Variants in MCCC1 observed in about 807,000 individuals in gnomAD.
MCCC1 encodes the protein methylcrotonoyl-CoA carboxylase subunit alpha, mitochondrial.
Under a neutral mutation model 83.8 loss-of-function variants are expected in MCCC1, and 64 were observed. The ratio of observed to expected loss-of-function variants is 0.76; its 90% CI spans 0.62 to 0.94. MCCC1 has a LOEUF of 0.94. Among genes scored for constraint, MCCC1 ranks in the 40% least tolerant of loss-of-function variants. The probability of loss-of-function intolerance (pLI) is 0.00; values close to 1 mark genes in which losing one functional copy is unlikely to be tolerated. For missense variants in MCCC1, 807 were observed against 904.7 expected, an observed-to-expected ratio of 0.89 and a Z score of 1.39; for synonymous variants, 322 against 315.4, an observed-to-expected ratio of 1.02 and a Z score of -0.22.
At chr3:183,078,449 G>C (rs1272783947) in intron 4 of MCCC1, among the ~76,000 whole-genome samples, 2 of 152,100 alleles carry the variant, frequency 1.3e-5, no homozygotes, top group African/African-American at 4.8e-5. Context: ...TTTTTTTAAA[G>C]CCTGCTGGGA....
At chr3:183,055,254 A>G (rs1444648749) in intron 8 of MCCC1, among the ~76,000 whole-genome samples, 2 of 151,750 alleles carry the variant, frequency 1.3e-5, no homozygotes, top group South Asian at 4.2e-4. Context: ...AATAGAAAAA[A>G]AAAAAAAATT....
chr3:183,092,574 G>T, intron 2 of MCCC1, 29 bp from the exon 3 acceptor site: 1 of 1,613,684 alleles, frequency 6.2e-7, no homozygotes, highest in Non-Finnish European at 8.5e-7. Context: ...AAATCACACA[G>T]AAATGTTACT....
At chr3:183,077,651 T>C (rs1308866535) in intron 4 of MCCC1, among the ~76,000 whole-genome samples, 2 of 152,176 alleles carry the variant, frequency 1.3e-5, no homozygotes, top group Admixed American at 6.5e-5. Context: ...ACCTTTCTTA[T>C]AGTATTATGT....
At chr3:183,030,637 A>G (rs2108454670) in intron 14 of MCCC1, among the ~76,000 whole-genome samples, 1 of 152,344 alleles carries the variant, frequency 6.6e-6, no homozygotes, top group East Asian at 1.9e-4. Flanking sequence ...AAATGTTCAC[A>G]AAAGTCAAAT....
Position 183,052,176 on chromosome 3 carries a change from A to C in MCCC1, c.938T>G (p.Val313Gly). 1.9e-6 allele frequency: 3 copies of C among 1,614,116 alleles called. No homozygotes were observed. Among genetic ancestry groups the C allele is most frequent in the African/African-American group, 1.3e-5 (1 of 75,056 alleles). Reference sequence around the variant, plus strand: ...TAACCTACCTGCTCCAACATAATTTACAGCTTTAGCAGCTCTGACTGCAGC... The same window carrying C: ...TAACCTACCTGCTCCAACATAATTTCCAGCTTTAGCAGCTCTGACTGCAGC... ...GEAAVRAAKA[V>G]NYVGAGTVEF... The change falls in exon 9 of 19, where the codon GTA (valine) becomes GGA (glycine). Residue 313 changes from valine to glycine, a missense_variant. Coordinates refer to ENST00000265594, the MANE Select transcript of MCCC1 (RefSeq NM_020166.5).
chr3:183,071,363 G>A lies in MCCC1; in HGVS notation c.492-6C>T, dbSNP rs746685018. 22 of 1,614,068 alleles carry A rather than the reference G, an allele frequency of 1.4e-5. No homozygotes were observed. In the East Asian group the frequency reaches 4.9e-4, roughly 36 times the overall value. On this transcript the variant is annotated splice_polypyrimidine_tract_variant and splice_region_variant and intron_variant, in intron 5 of 18. Coordinates refer to ENST00000265594, the MANE Select transcript of MCCC1 (RefSeq NM_020166.5). Reference sequence around the variant, plus strand: ...CCATTATGGATTTGGATGTGCTTTAGAGTGGGAAAGAAAACAACATGCCCC... The same window carrying A: ...CCATTATGGATTTGGATGTGCTTTAAAGTGGGAAAGAAAACAACATGCCCC...
rs116132570 is a variant in MCCC1 at position 183,077,015 on chromosome 3, T to C, written c.370-4528A>G. On this transcript the variant is annotated intron_variant, in intron 4 of 18. Coordinates refer to ENST00000265594, the MANE Select transcript of MCCC1 (RefSeq NM_020166.5). Reference sequence around the variant, plus strand: ...AGTCTTTTGTGACTGGCTCTGTCACTGAACGTAATATTTTCAAGGTTCATC... The same window carrying C: ...AGTCTTTTGTGACTGGCTCTGTCACCGAACGTAATATTTTCAAGGTTCATC... Among the ~76,000 whole-genome samples the C allele has an allele frequency of 9.0e-3, 1,377 of 152,320 alleles. 22 individuals are homozygous for C. Among genetic ancestry groups the C allele is most frequent in the African/African-American group, 0.032 (1,332 of 41,560 alleles).
intron 9 of MCCC1, among the ~76,000 whole-genome samples, chr3:183,051,190 A>T (rs6806155): frequency 6.6e-6 from 1 of 152,194 alleles, no homozygotes; most frequent in Non-Finnish European, 1.5e-5. Context: ...TAAACTAAAA[A>T]ATTATGTCCA....
intron 14 of MCCC1, among the ~76,000 whole-genome samples, chr3:183,027,563 C>A (rs978315368): frequency 6.6e-6 from 1 of 152,128 alleles, no homozygotes; most frequent in African/African-American, 2.4e-5. Context: ...CGCCTGTAAT[C>A]CCAGTGCTTT....
In MCCC1 at chr3:183,041,695, T is replaced by C. The variant is rs794727036; in HGVS notation, c.1139A>G (p.His380Arg). The change falls in exon 11 of 19, where the codon CAT becomes CGT. Residue 380 changes from histidine to arginine, a missense_variant. By Grantham distance (29) the His-to-Arg change is conservative. Transcript: ENST00000265594. Reference protein sequence around the residue: ...LSQEEITLQGHAFEARIYAED... With the variant: ...LSQEEITLQGRAFEARIYAED... ...TGCATATATTCTAGCTTCGAAGGCA[T>C]GGCCCTGCAGAGTTATTTCTTCCTG... 1.9e-6 allele frequency: 3 copies of C among 1,614,240 alleles called. No homozygotes were observed. The highest frequency in any genetic ancestry group is 3.3e-5 in the Admixed American group (2 of 60,034).
chr3:183,081,849 T>C (rs929364516), intron 4 of MCCC1, among the ~76,000 whole-genome samples: 2 of 152,154 alleles, frequency 1.3e-5, no homozygotes, highest in Non-Finnish European at 2.9e-5. Context: ...AAGTTGTCCA[T>C]CTTGCAGCCG....
Position 183,072,619 on chromosome 3 carries a change from G to A in MCCC1, c.370-132C>T, listed in dbSNP as rs1716781450. The A allele has an allele frequency of 3.1e-6, 3 of 969,682 alleles. No homozygotes were observed. The East Asian group carries it at 7.4e-5, about 24-fold the overall frequency. 60.1% of individuals were successfully genotyped at this position (969,682 alleles called of 1,614,324 possible). ...AATAGTATGGTCTCTATTAAACTCTGTTTCCAAAGAAATATCTGAAATATT... is the reference window on the plus strand; with the variant it reads ...AATAGTATGGTCTCTATTAAACTCTATTTCCAAAGAAATATCTGAAATATT... On this transcript the variant is annotated intron_variant, in intron 4 of 18. Coordinates refer to ENST00000265594, the MANE Select transcript of MCCC1 (RefSeq NM_020166.5).
chr3:183,073,996 G>A (rs978524236), intron 4 of MCCC1, among the ~76,000 whole-genome samples: 3 of 152,160 alleles, frequency 2.0e-5, no homozygotes, highest in African/African-American at 7.2e-5. Context: ...CTGGACAAAG[G>A]GACGATTCAC....
At chr3:183,024,024 G>A (rs1712376173) in intron 15 of MCCC1, among the ~76,000 whole-genome samples, 1 of 152,188 alleles carries the variant, frequency 6.6e-6, no homozygotes, top group African/African-American at 2.4e-5. Context: ...GCCAAGGTGG[G>A]CGGATCACCT....
At chr3:183,069,050 C>T (rs1033754136) in intron 7 of MCCC1, among the ~76,000 whole-genome samples, 1 of 152,060 alleles carries the variant, frequency 6.6e-6, no homozygotes, top group Non-Finnish European at 1.5e-5. Flanking sequence ...TAGGAGAATA[C>T]AATTATGGGT....
chr3:183,054,855 ATACT>A (rs1270528167), intron 8 of MCCC1, among the ~76,000 whole-genome samples: 3 of 152,190 alleles, frequency 2.0e-5, no homozygotes, highest in South Asian at 2.1e-4. Flanking sequence ...AGATACACAA[ATACT>A]TACCATTGTG....
intron 16 of MCCC1, 128 bp from the exon 17 acceptor site, chr3:183,020,365 C>T (rs1712051242): frequency 2.4e-6 from 2 of 820,416 alleles, no homozygotes; most frequent in East Asian, 2.8e-5. Flanking sequence ...GGCCCAGTGG[C>T]TCACGATTGT....
chr3:183,030,072 C>T (rs1315981558), intron 14 of MCCC1, among the ~76,000 whole-genome samples: 1 of 152,160 alleles, frequency 6.6e-6, no homozygotes, highest in Non-Finnish European at 1.5e-5. Context: ...CTTTGGGAGG[C>T]CGAGGTGGGC....
At position 183,067,259 on chromosome 3, in the gene MCCC1, C is replaced by T. The variant is rs934864021; in HGVS notation, c.761+3740G>A. On this transcript the variant is annotated intron_variant, in intron 7 of 18. Coordinates refer to ENST00000265594, the MANE Select transcript of MCCC1 (RefSeq NM_020166.5). Reference sequence around the variant, plus strand: ...GAAAGACTCAGGAGCCCCAAGTTATCGTGAGACCTCAAGAGGAGAAAAATT... The same window carrying T: ...GAAAGACTCAGGAGCCCCAAGTTATTGTGAGACCTCAAGAGGAGAAAAATT... Among the ~76,000 whole-genome samples the T allele has an allele frequency of 3.9e-5, 6 of 152,248 alleles. No homozygotes were observed. The East Asian group carries it at 7.7e-4, about 20-fold the overall frequency.
Sources: gnomAD v4.1 joint callset for allele counts (sites outside exome capture counted in the v4.1 genomes callset) on GRCh38, gnomAD v4.1.1 for gene constraint, MANE v1.5 for transcripts, NCBI Gene and HGNC (gene_info 2026-07-23, HGNC 2026-07-21) for gene names.